DLG2: variants seen among roughly 807,000 people sequenced by gnomAD.
The protein encoded by DLG2 is discs large MAGUK scaffold protein 2.
Under a neutral mutation model 132.5 loss-of-function variants are expected in DLG2, and 45 were observed. The ratio of observed to expected loss-of-function variants is 0.34; its 90% CI spans 0.27 to 0.44. DLG2 has a LOEUF of 0.44. Among genes scored for constraint, DLG2 ranks in the 20% least tolerant of loss-of-function variants. The pLI is 1.00. For missense variants in DLG2, 1,045 were observed against 1,196.9 expected (o/e 0.87, Z 1.87); for synonymous variants, 424 against 419.6 (o/e 1.01, Z -0.13).
chr11:84,360,309 A>T (rs1180341526), intron 7 of DLG2, among the ~76,000 whole-genome samples: 1 of 151,948 alleles, frequency 6.6e-6, no homozygotes, highest in Non-Finnish European at 1.5e-5. Context: ...AATAGAAAAG[A>T]AAACTGGTTA....
At chr11:84,940,915 G>T (rs2049329312) in intron 6 of DLG2, among the ~76,000 whole-genome samples, 1 of 152,160 alleles carries the variant, frequency 6.6e-6, no homozygotes. Context: ...TATAGTAAGA[G>T]ATAGCATCTA....
intron 6 of DLG2, among the ~76,000 whole-genome samples, chr11:84,583,811 T>C (rs117783079): frequency 1.3e-5 from 2 of 152,146 alleles, no homozygotes; most frequent in Non-Finnish European, 2.9e-5. Context: ...AAAAGTGTTA[T>C]CATACCATAT....
intron 7 of DLG2, among the ~76,000 whole-genome samples, chr11:84,441,992 C>G (rs932424566): frequency 6.6e-6 from 1 of 152,092 alleles, no homozygotes; most frequent in Admixed American, 6.5e-5. Flanking sequence ...TGTTTTGGTA[C>G]CAGTACCATG....
chr11:84,847,106 A>G (rs2081569663), intron 6 of DLG2, among the ~76,000 whole-genome samples: 1 of 152,190 alleles, frequency 6.6e-6, no homozygotes, highest in Non-Finnish European at 1.5e-5. Context: ...AAGTCATTAT[A>G]TCCACATAGC....
chr11:85,422,085 G>C lies in DLG2; in HGVS notation c.41-136720C>G, dbSNP rs184007451. Among the ~76,000 whole-genome samples the C allele has an allele frequency of 3.0e-4, 46 of 152,200 alleles. 1 individual carries two copies. The East Asian group carries it at 8.9e-3, about 29-fold the overall frequency. On this transcript the variant is annotated intron_variant, in intron 3 of 27. Coordinates refer to ENST00000376104, the MANE Select transcript of DLG2 (RefSeq NM_001142699.3). The stretch of plus-strand genomic sequence containing the variant: ...TAATCTGATAGGTTTTCCTTTATAG[G>C]TTACCTGGTGCTTTTGTCTCAGTTC...
In DLG2 at chr11:84,632,673, C is replaced by T. The variant is rs543326742; in HGVS notation, c.358-97942G>A. ...TGATTCAAGCAAATTTCAGACCATT[C>T]TTCTAATACGCTTAAGCCATCCCTG... On this transcript the variant is annotated intron_variant, in intron 6 of 27. Transcript: ENST00000376104. Among the ~76,000 whole-genome samples, 3 of 152,272 alleles carry T rather than the reference C, an allele frequency of 2.0e-5. No individual in the cohort carries two copies. In the South Asian group the frequency reaches 6.2e-4, roughly 32 times the overall value.
chr11:84,937,407 T>C lies in DLG2; in HGVS notation c.357+174254A>G, dbSNP rs556967758. ...ACCAAAAAAAAAAAAAAAAATCAAATTCAAACTAAAGTCTCAGTGATATCA... is the reference window on the plus strand; with the variant it reads ...ACCAAAAAAAAAAAAAAAAATCAAACTCAAACTAAAGTCTCAGTGATATCA... On this transcript the variant is annotated intron_variant, in intron 6 of 27. Transcript: ENST00000376104. Among the ~76,000 whole-genome samples the C allele has an allele frequency of 4.1e-5, 6 of 148,120 alleles. No homozygotes were observed. The East Asian group carries it at 1.2e-3, about 29-fold the overall frequency.
At chr11:84,625,230 T>A (rs2099620673) in intron 6 of DLG2, among the ~76,000 whole-genome samples, 1 of 152,066 alleles carries the variant, frequency 6.6e-6, no homozygotes. Context: ...AAATTTCACA[T>A]TACTCCCCCT....
chr11:85,512,079 G>A (rs1299416593), intron 3 of DLG2, among the ~76,000 whole-genome samples: 1 of 152,082 alleles, frequency 6.6e-6, no homozygotes, highest in Non-Finnish European at 1.5e-5. Flanking sequence ...TCCATTTTCA[G>A]TGTGGATTAC....
intron 10 of DLG2, among the ~76,000 whole-genome samples, chr11:84,073,442 T>C (rs2154146469): frequency 6.6e-6 from 1 of 152,114 alleles, no homozygotes; most frequent in East Asian, 1.9e-4. Flanking sequence ...ATATATGTAA[T>C]CCGCACATAC....
intron 7 of DLG2, among the ~76,000 whole-genome samples, chr11:84,398,157 T>C (rs760435659): frequency 7.2e-5 from 11 of 152,188 alleles, no homozygotes; most frequent in Non-Finnish European, 1.5e-5. Flanking sequence ...TGGCAACATA[T>C]AACAATATTC....
At chr11:84,591,211 A>T (rs1316495804) in intron 6 of DLG2, among the ~76,000 whole-genome samples, 1 of 82,814 alleles carries the variant, frequency 1.2e-5, no homozygotes, top group African/African-American at 4.4e-5. Context: ...ACACTGCTAT[A>T]TATGTGTCTC....
At chr11:84,182,782 C>A (rs2154281386) in intron 8 of DLG2, among the ~76,000 whole-genome samples, 1 of 151,896 alleles carries the variant, frequency 6.6e-6, no homozygotes, top group South Asian at 2.1e-4. Context: ...AACAGAAAAT[C>A]AGTATAGAAA....
chr11:85,503,152 G>T (rs1366962695), intron 3 of DLG2, among the ~76,000 whole-genome samples: 2 of 152,062 alleles, frequency 1.3e-5, no homozygotes, highest in African/African-American at 2.4e-5. Flanking sequence ...GATACCTACA[G>T]AGGTGATTAA....
chr11:85,510,609 A>G (rs924716666), intron 3 of DLG2, among the ~76,000 whole-genome samples: 205 of 152,282 alleles, frequency 1.3e-3, no homozygotes, highest in Non-Finnish European at 2.0e-3. Flanking sequence ...GCAGCCAAAA[A>G]ACACATGAAA....
intron 19 of DLG2, among the ~76,000 whole-genome samples, chr11:83,577,458 GAT>G (rs569581992): frequency 0.017 from 2,180 of 126,410 alleles, 63 homozygotes; most frequent in African/African-American, 0.07. Context: ...GAACTAATAG[GAT>G]ATATATATAT....
intron 8 of DLG2, among the ~76,000 whole-genome samples, chr11:84,202,057 T>G (rs1048298331): frequency 6.6e-6 from 1 of 151,896 alleles, no homozygotes; most frequent in Admixed American, 6.6e-5. Context: ...GACTTCATGA[T>G]CCTCCTGCCT....
intron 13 of DLG2, 113 bp downstream of exon 13, chr11:83,965,211 T>C (rs1475915048): frequency 5.1e-6 from 6 of 1,183,502 alleles, no homozygotes; most frequent in Admixed American, 4.9e-5. Context: ...CTCTGAAGTA[T>C]TTCCAGAAGT....
intron 6 of DLG2, chr11:84,923,596 G>A: frequency 2.0e-6 from 2 of 991,230 alleles, no homozygotes; most frequent in Non-Finnish European, 2.4e-6. Flanking sequence ...AAATGAAGAG[G>A]AAACCCTTCT....
Sources: allele counts gnomAD v4.1 joint callset (sites outside exome capture counted in the v4.1 genomes callset), GRCh38; gene constraint gnomAD v4.1.1; transcripts MANE v1.5; gene names NCBI Gene and HGNC (gene_info 2026-07-23, HGNC 2026-07-21).